AKAP9: variants seen among roughly 807,000 people sequenced by gnomAD.
AKAP9 encodes A-kinase anchor protein 9.
A neutral mutation model predicts 488.5 loss-of-function variants in AKAP9; 311 were observed. That is an observed-to-expected ratio of 0.64 (90% CI 0.58 to 0.70). The LOEUF (loss-of-function observed/expected upper bound fraction) is 0.70, where lower values mean the gene tolerates loss of function less well. AKAP9 is among the 30% of genes least tolerant of loss of function. The pLI is 0.00. For synonymous variants in AKAP9, 1,462 were observed against 1,483.5 expected (o/e 0.99, Z 0.33); for missense variants, 4,215 against 4,374.5 (o/e 0.96, Z 1.03).
At chr7:91,942,022 A>G (rs538047739) in intron 1 of AKAP9, among the ~76,000 whole-genome samples, 1 of 152,166 alleles carries the variant, frequency 6.6e-6, no homozygotes, top group Non-Finnish European at 1.5e-5. Context: ...TAAGCTGCGT[A>G]GCATATTTCT....
intron 37 of AKAP9, 146 bp downstream of exon 37, chr7:92,086,562 G>A (rs911867359): frequency 1.1e-4 from 74 of 674,184 alleles, no homozygotes; most frequent in Non-Finnish European, 1.6e-4. Flanking sequence ...CTATTTTAAC[G>A]TATTATGTTA....
At chr7:91,998,854 A>G (rs1798757536) in intron 7 of AKAP9, among the ~76,000 whole-genome samples, 1 of 152,152 alleles carries the variant, frequency 6.6e-6, no homozygotes, top group South Asian at 2.1e-4. Context: ...TTAATAGGTG[A>G]TGTTTTATTT....
chr7:92,029,940 A>T lies in AKAP9; in HGVS notation c.4194A>T (p.Arg1398Ser), dbSNP rs753896470. ...SVVITESDAQ[R>S]TMYPGSCVKK... is the part of the protein sequence containing the mutation. ...TAATTACAGAATCTGATGCACAGAG[A>T]ACAATGTACCCTGGAAGTTGTGTGA... Residue 1398 changes from arginine (R) to serine (S), a missense_variant, in exon 15 of 50, where the codon AGA (arginine) becomes AGT (serine). This residue lies in a region of AKAP9 where 2,361 missense variants were observed against 2,430.0 expected (regional missense o/e 0.97). Transcript: ENST00000356239. The T allele has an allele frequency of 6.2e-7, 1 of 1,613,364 alleles. No individual in the cohort carries two copies.
At chr7:92,042,816 G>A (rs1806334647) in intron 20 of AKAP9, 45 bp downstream of exon 20, 2 of 1,320,254 alleles carry the variant, frequency 1.5e-6, no homozygotes, top group Non-Finnish European at 2.2e-6. Context: ...AATTAAAATG[G>A]TTGTTTCAAT....
chr7:91,959,156 A>G (rs1267523658), intron 1 of AKAP9, among the ~76,000 whole-genome samples: 3 of 152,152 alleles, frequency 2.0e-5, no homozygotes, highest in African/African-American at 7.2e-5. Context: ...AAGTGCTAGG[A>G]TTACAGGCAT....
chr7:91,959,739 T>C (rs1210730252), intron 1 of AKAP9, among the ~76,000 whole-genome samples: 1 of 152,184 alleles, frequency 6.6e-6, no homozygotes, highest in Non-Finnish European at 1.5e-5. Context: ...AAAAAAATTA[T>C]ATTAAATGAG....
At chr7:92,032,513 A>T (rs1320791316) in intron 16 of AKAP9, among the ~76,000 whole-genome samples, 2 of 150,936 alleles carry the variant, frequency 1.3e-5, no homozygotes, top group African/African-American at 4.9e-5. Flanking sequence ...AAAAAAAAAA[A>T]GATATATGTA....
intron 37 of AKAP9, among the ~76,000 whole-genome samples, chr7:92,087,248 C>G (rs756382865): frequency 6.6e-6 from 1 of 152,040 alleles, no homozygotes; most frequent in Non-Finnish European, 1.5e-5. Context: ...TTCCCTTTAA[C>G]GAAGAAGACG....
chr7:92,064,503 ATAT>A (rs1227882094), intron 24 of AKAP9, among the ~76,000 whole-genome samples: 3 of 152,118 alleles, frequency 2.0e-5, no homozygotes, highest in Non-Finnish European at 2.9e-5. Context: ...ATCAGTAATA[ATAT>A]TATTCTCAGT....
At chr7:92,060,526 G>C (rs1397077216) in intron 22 of AKAP9, among the ~76,000 whole-genome samples, 1 of 152,110 alleles carries the variant, frequency 6.6e-6, no homozygotes, top group Non-Finnish European at 1.5e-5. Context: ...TAGTAGCAGT[G>C]ATCAAGAGAG....
intron 5 of AKAP9, among the ~76,000 whole-genome samples, chr7:91,993,386 T>C (rs1384077626): frequency 6.6e-6 from 1 of 151,864 alleles, no homozygotes; most frequent in African/African-American, 2.4e-5. Context: ...TCACCTCAGA[T>C]TCCTGGACTC....
At chr7:92,011,164 T>C (rs573538809) in intron 8 of AKAP9, among the ~76,000 whole-genome samples, 11 of 152,342 alleles carry the variant, frequency 7.2e-5, no homozygotes, top group Admixed American at 1.3e-4. Context: ...GATAGAAGCA[T>C]TCCCATTAAA....
intron 37 of AKAP9, 128 bp downstream of exon 37, chr7:92,086,544 T>C: frequency 1.4e-6 from 1 of 724,284 alleles, no homozygotes; most frequent in Non-Finnish European, 2.3e-6. Context: ...TTAAAAAAAT[T>C]ATTGTAACTA....
intron 40 of AKAP9, 27 bp downstream of exon 40, chr7:92,095,200 C>G (rs770123348): frequency 4.3e-6 from 7 of 1,613,488 alleles, no homozygotes; most frequent in Middle Eastern, 1.6e-4. Flanking sequence ...CTTTAAATGT[C>G]TGGAAAATCC....
chr7:92,022,956 C>T lies in AKAP9; in HGVS notation c.4095C>T (p.Ile1365=). The T allele has an allele frequency of 6.2e-7, 1 of 1,614,052 alleles. No individual in the cohort carries two copies. The highest frequency in any genetic ancestry group is 8.5e-7 in the Non-Finnish European group (1 of 1,179,958). The part of the protein sequence containing the change: ...KETEQNYEAE[I]HCLQKRLQAV... ...CTGAACAAAACTATGAGGCAGAGAT[C>T]CACTGTTTACAGAAGAGGCTTCAAG... The change falls in exon 14 of 50, where the codon ATC becomes ATT. Residue 1365 remains isoleucine (I), a synonymous_variant. Transcript: ENST00000356239.
At chr7:92,003,748 A>G (rs1289850761) in intron 8 of AKAP9, among the ~76,000 whole-genome samples, 2 of 152,074 alleles carry the variant, frequency 1.3e-5, no homozygotes, top group Non-Finnish European at 2.9e-5. Context: ...GAGTTTTTTC[A>G]GAGTCTTTAT....
intron 2 of AKAP9, among the ~76,000 whole-genome samples, chr7:91,978,932 A>ATT (rs34097770): frequency 5.4e-4 from 49 of 90,338 alleles, no homozygotes; most frequent in African/African-American, 1.4e-3. Flanking sequence ...TAGTTTTTGT[A>ATT]TTTTTTTTTT....
intron 22 of AKAP9, among the ~76,000 whole-genome samples, chr7:92,053,618 A>G (rs1392300713): frequency 3.3e-5 from 5 of 152,094 alleles, no homozygotes; most frequent in Non-Finnish European, 7.4e-5. Flanking sequence ...TGACCATGGC[A>G]TTTTCCAGAT....
intron 21 of AKAP9, among the ~76,000 whole-genome samples, chr7:92,048,736 G>T (rs1363818079): frequency 1.3e-5 from 2 of 152,104 alleles, no homozygotes; most frequent in Admixed American, 6.6e-5. Flanking sequence ...GTGAAACCCC[G>T]TCTCTACTAA....
Sources: gnomAD v4.1 joint callset for allele counts (sites outside exome capture counted in the v4.1 genomes callset) on GRCh38, gnomAD v4.1.1 for gene constraint, gnomAD v4.1.1 regional missense constraint, MANE v1.5 for transcripts, NCBI Gene and HGNC (gene_info 2026-07-23, HGNC 2026-07-21) for gene names.